Variants in ADGRL2 observed in about 807,000 individuals in gnomAD.
ADGRL2 encodes adhesion G protein-coupled receptor L2.
A neutral mutation model predicts 157.4 loss-of-function variants in ADGRL2; 44 were observed. The observed-to-expected ratio is 0.28, with a 90% CI of 0.22 to 0.36. The LOEUF is 0.36. ADGRL2 is among the 10% of genes least tolerant of loss of function. The pLI is 1.00. For synonymous variants in ADGRL2, 585 were observed against 624.7 expected (o/e 0.94, Z 0.95); for missense variants, 1,510 against 1,768.9 (o/e 0.85, Z 2.63).
Position 81,837,050 on chromosome 1 carries a change from T to C in ADGRL2, c.66T>C (p.Asn22=). 6.3e-7 allele frequency: 1 copy of C among 1,580,732 alleles called. No homozygotes were observed. Among genetic ancestry groups the C allele is most frequent in the Non-Finnish European group, 8.6e-7 (1 of 1,163,428 alleles). The change falls in exon 2 of 24, where the codon AAT becomes AAC. Residue 22 remains asparagine (N), a synonymous_variant. Coordinates refer to ENST00000686636, the MANE Select transcript of ADGRL2 (RefSeq NM_001366006.2). ...WFIIVISFLP[N]TEGFSRAALP... Reference sequence around the variant, plus strand: ...TCATTGTAATCAGCTTCTTACCAAATACAGAAGGTAAGATCCAGTTTACAT... The same window carrying C: ...TCATTGTAATCAGCTTCTTACCAAACACAGAAGGTAAGATCCAGTTTACAT...
intron 1 of ADGRL2, among the ~76,000 whole-genome samples, chr1:81,320,849 T>C (rs745938569): frequency 3.9e-5 from 6 of 152,236 alleles, no homozygotes; most frequent in Non-Finnish European, 7.3e-5. Context: ...TAAATGAGCA[T>C]TGGCTTCAAC....
rs375811185 is a variant in ADGRL2 at position 81,389,402 on chromosome 1, A to T, written c.-301-55634A>T. Among the ~76,000 whole-genome samples the T allele has an allele frequency of 8.7e-4, 133 of 152,344 alleles. 1 individual carries two copies. In the Middle Eastern group the frequency reaches 0.024, roughly 27 times the overall value. On this transcript the variant is annotated intron_variant, in intron 1 of 24. Coordinates refer to the ADGRL2 transcript ENST00000370721. ...AATTCTAGAAAATGAGCTGAAAGAG[A>T]TATTAATGAAGGGATGCATAGAAGG... is the stretch of plus-strand genomic sequence containing the variant.
At chr1:81,311,507 C>G (rs915075555) in intron 1 of ADGRL2, among the ~76,000 whole-genome samples, 1 of 152,150 alleles carries the variant, frequency 6.6e-6, no homozygotes, top group African/African-American at 2.4e-5. Flanking sequence ...CCTTCACAGT[C>G]CTAGCCTCAG....
At chr1:81,808,960 G>A (rs1331420239) in intron 1 of ADGRL2, among the ~76,000 whole-genome samples, 2 of 152,068 alleles carry the variant, frequency 1.3e-5, no homozygotes, top group African/African-American at 4.8e-5. Flanking sequence ...GAGGACAAAT[G>A]TCACTTTAAA....
At chr1:81,702,199 G>T (rs1334467488) in intron 1 of ADGRL2, among the ~76,000 whole-genome samples, 1 of 152,156 alleles carries the variant, frequency 6.6e-6, no homozygotes, top group African/African-American at 2.4e-5. Context: ...AGGAAAAAGG[G>T]TGAACACAAC....
chr1:81,823,889 TA>T (rs2091229587), intron 1 of ADGRL2, among the ~76,000 whole-genome samples: 1 of 152,006 alleles, frequency 6.6e-6, no homozygotes, highest in South Asian at 2.1e-4. Flanking sequence ...ACCACGAAGT[TA>T]AAAAAGGATG....
Position 81,495,909 on chromosome 1 carries a change from T to C in ADGRL2, c.-248+50820T>C, listed in dbSNP as rs180946313. Reference sequence around the variant, plus strand: ...TCTAGTTATTGAGAGGGTACAAACATCCATTGCTCTTTGTCAAGTTGAATA... The same window carrying C: ...TCTAGTTATTGAGAGGGTACAAACACCCATTGCTCTTTGTCAAGTTGAATA... On this transcript the variant is annotated intron_variant, in intron 2 of 24. Coordinates refer to the ADGRL2 transcript ENST00000370721. 1.8e-4 allele frequency among the ~76,000 whole-genome samples: 27 copies of C among 152,270 alleles called. No individual in the cohort carries two copies. The East Asian group carries it at 5.2e-3, about 29-fold the overall frequency.
intron 1 of ADGRL2, among the ~76,000 whole-genome samples, chr1:81,361,268 A>C (rs1234490347): frequency 8.6e-5 from 13 of 151,924 alleles, no homozygotes. Flanking sequence ...TGCTGAGTGC[A>C]AATATTATAA....
At chr1:81,904,927 G>T (rs916693843) in intron 2 of ADGRL2, among the ~76,000 whole-genome samples, 2 of 151,976 alleles carry the variant, frequency 1.3e-5, no homozygotes, top group African/African-American at 2.4e-5. Flanking sequence ...TTAAAGGCAC[G>T]ACCTCCCAGT....
intron 1 of ADGRL2, chr1:81,721,977 C>A: frequency 1.8e-6 from 1 of 570,124 alleles, no homozygotes; most frequent in Non-Finnish European, 3.3e-6. Flanking sequence ...CACTGATGCC[C>A]TTTAAGAAAT....
At chr1:81,984,958 T>C (rs1662735077) in intron 20 of ADGRL2, among the ~76,000 whole-genome samples, 1 of 152,100 alleles carries the variant, frequency 6.6e-6, no homozygotes. Flanking sequence ...CCTAAGGCCA[T>C]ATAGCACAAT....
chr1:81,974,016 A>T (rs567083669), intron 17 of ADGRL2, among the ~76,000 whole-genome samples: 205 of 152,266 alleles, frequency 1.3e-3, no homozygotes, highest in Non-Finnish European at 2.2e-3. Context: ...AATAATATAG[A>T]TTGTATTGTA....
chr1:81,970,500 G>C lies in ADGRL2; in HGVS notation c.2920G>C (p.Ala974Pro). The change falls in exon 16 of 24, where the codon GCT becomes CCT. Residue 974 changes from alanine to proline, a missense_variant. Physicochemically the swap from Ala to Pro is conservative, Grantham distance 27. Coordinates refer to ENST00000686636, the MANE Select transcript of ADGRL2 (RefSeq NM_001366006.2). ...FPATVVGVSA[A>P]IDYKSYGTEK... ...TGCCACAGTGGTTGGAGTTTCAGCT[G>C]CTATTGACTATAAGAGCTATGGAAC... The C allele has an allele frequency of 6.3e-7, 1 of 1,590,786 alleles. No individual in the cohort carries two copies. Among genetic ancestry groups the C allele is most frequent in the Non-Finnish European group, 8.5e-7 (1 of 1,173,018 alleles).
chr1:81,774,810 CAT>C (rs199731771), intron 2 of ADGRL2, among the ~76,000 whole-genome samples: 22 of 151,704 alleles, frequency 1.5e-4, no homozygotes, highest in East Asian at 3.9e-4. Flanking sequence ...TTATATATAA[CAT>C]ATATATATGT....
intron 3 of ADGRL2, among the ~76,000 whole-genome samples, chr1:81,644,833 T>C (rs1302041190): frequency 1.3e-5 from 2 of 152,176 alleles, no homozygotes; most frequent in Admixed American, 1.3e-4. Flanking sequence ...TCTCTGTGCC[T>C]TCTATTCAAT....
intron 3 of ADGRL2, among the ~76,000 whole-genome samples, chr1:81,651,993 C>T (rs1027502996): frequency 1.3e-5 from 2 of 152,100 alleles, no homozygotes; most frequent in African/African-American, 4.8e-5. Flanking sequence ...AGGCGTGAGG[C>T]ACCACACCAC....
At chr1:81,577,442 G>A (rs996345754) in intron 2 of ADGRL2, among the ~76,000 whole-genome samples, 3 of 152,130 alleles carry the variant, frequency 2.0e-5, no homozygotes, top group African/African-American at 7.2e-5. Flanking sequence ...GACATTGCTG[G>A]TGAGTTTTCT....
chr1:81,751,638 T>G (rs1384149517), intron 1 of ADGRL2, among the ~76,000 whole-genome samples: 1 of 152,198 alleles, frequency 6.6e-6, no homozygotes, highest in Non-Finnish European at 1.5e-5. Context: ...AATGACATTA[T>G]TAAGATAAGT....
chr1:81,394,775 A>G (rs1479835480), intron 1 of ADGRL2, among the ~76,000 whole-genome samples: 1 of 152,192 alleles, frequency 6.6e-6, no homozygotes, highest in East Asian at 1.9e-4. Context: ...AATTTTTTTC[A>G]GGAAACTTCA....
Sources: gnomAD v4.1 joint callset for allele counts (sites outside exome capture counted in the v4.1 genomes callset) on GRCh38, gnomAD v4.1.1 for gene constraint, MANE v1.5 for transcripts, NCBI Gene and HGNC (gene_info 2026-07-23, HGNC 2026-07-21) for gene names.